ANO3: variants seen among roughly 807,000 people sequenced by gnomAD.
The protein encoded by ANO3 is anoctamin 3.
ANO3 carries 99 observed loss-of-function variants against 144.8 expected under a neutral mutation model. That is an observed-to-expected ratio of 0.68 (90% confidence interval 0.58 to 0.81). The LOEUF is 0.81. Among genes scored for constraint, ANO3 ranks in the 30% least tolerant of loss-of-function variants. The pLI is 0.00. For missense variants in ANO3, 905 were observed against 1,202.2 expected, an observed-to-expected ratio of 0.75 and a Z score of 3.66; for synonymous variants, 414 against 392.6, an observed-to-expected ratio of 1.05 and a Z score of -0.64.
intron 10 of ANO3, among the ~76,000 whole-genome samples, chr11:26,541,372 T>C: frequency 6.6e-6 from 1 of 151,994 alleles, no homozygotes. Flanking sequence ...TGCAGCAAAC[T>C]ACCATGGCAC....
At chr11:26,327,053 T>C (rs1232256625) in intron 1 of ANO3, among the ~76,000 whole-genome samples, 1 of 152,234 alleles carries the variant, frequency 6.6e-6, no homozygotes, top group Non-Finnish European at 1.5e-5. Context: ...TACAGACTTG[T>C]ACGTAAATTT....
At chr11:26,609,472 G>A (rs1443071486) in intron 17 of ANO3, among the ~76,000 whole-genome samples, 1 of 150,694 alleles carries the variant, frequency 6.6e-6, no homozygotes, top group Non-Finnish European at 1.5e-5. Flanking sequence ...CACATATCCT[G>A]CAAGATATCA....
intron 1 of ANO3, among the ~76,000 whole-genome samples, chr11:26,224,711 A>G (rs1315912495): frequency 2.0e-5 from 3 of 152,246 alleles, no homozygotes. Context: ...GTTCATTAAA[A>G]GTATCTACTA....
In ANO3 at chr11:26,302,582, A is replaced by C. The variant is rs144101857; in HGVS notation, c.155-7063A>C. 8.2e-3 allele frequency among the ~76,000 whole-genome samples: 1,246 copies of C among 152,326 alleles called. 11 individuals are homozygous for C. The highest frequency in any genetic ancestry group is 0.029 in the African/African-American group (1,186 of 41,564). ...AGTGAATAAACTAACGGCCTTAAAC[A>C]AATATTACTTTCAAACTATTTATAT... On this transcript the variant is annotated intron_variant, in intron 1 of 27. Coordinates refer to the ANO3 transcript ENST00000672621.
chr11:26,336,705 A>G lies in ANO3; in HGVS notation c.46+4384A>G, dbSNP rs12281153. Among the ~76,000 whole-genome samples, 339 of 151,906 alleles carry G rather than the reference A, an allele frequency of 2.2e-3. 1 individual carries two copies. The highest frequency in any genetic ancestry group is 6.9e-3 in the African/African-American group (284 of 41,374). Reference sequence around the variant, plus strand: ...TTTTCCCCTAACTGACATCCTTACAATCTAGAACCTCCCTATACCCTTATC... The same window carrying G: ...TTTTCCCCTAACTGACATCCTTACAGTCTAGAACCTCCCTATACCCTTATC... On this transcript the variant is annotated intron_variant, in intron 1 of 26. Transcript: ENST00000256737.
chr11:26,428,743 G>A (rs1000023124), intron 1 of ANO3, among the ~76,000 whole-genome samples: 17 of 151,854 alleles, frequency 1.1e-4, no homozygotes, highest in African/African-American at 3.6e-4. Context: ...GTGTGTGTGT[G>A]TGTGTGTGTG....
At chr11:26,647,518 A>G (rs1461527332) in intron 23 of ANO3, among the ~76,000 whole-genome samples, 191 bp from the exon 24 acceptor site, 1 of 152,192 alleles carries the variant, frequency 6.6e-6, no homozygotes, top group African/African-American at 2.4e-5. Flanking sequence ...TAGACGAGAT[A>G]TATCTTCTCT....
intron 1 of ANO3, among the ~76,000 whole-genome samples, chr11:26,314,782 A>T (rs1345540928): frequency 6.6e-6 from 1 of 152,176 alleles, no homozygotes; most frequent in African/African-American, 2.4e-5. Flanking sequence ...TCAGATTAGT[A>T]ATGACTTAAT....
chr11:26,303,585 C>T (rs960056598), intron 1 of ANO3, among the ~76,000 whole-genome samples: 8 of 152,148 alleles, frequency 5.3e-5, no homozygotes, highest in Non-Finnish European at 1.2e-4. Flanking sequence ...GAAAAACTGC[C>T]TATTGAGTAC....
In ANO3 at chr11:26,400,089, A is replaced by G. The variant is rs1027851969; in HGVS notation, c.47-41829A>G. Among the ~76,000 whole-genome samples the G allele has an allele frequency of 3.3e-5, 5 of 151,592 alleles. No homozygotes were observed. In the South Asian group the frequency reaches 8.3e-4, roughly 25 times the overall value. On this transcript the variant is annotated intron_variant, in intron 1 of 26. Transcript: ENST00000256737. ...CTAGGTACCCAAGTGTAATAATTGT[A>G]CAAAGCAAAGTTTTTTTTGTTTTTG...
At chr11:26,261,305 C>T (rs1853183386) in intron 1 of ANO3, among the ~76,000 whole-genome samples, 1 of 152,106 alleles carries the variant, frequency 6.6e-6, no homozygotes, top group African/African-American at 2.4e-5. Flanking sequence ...GCCTTGCTTT[C>T]TTCCTTTTTT....
At chr11:26,327,997 A>G (rs1423144698), upstream of ANO3, among the ~76,000 whole-genome samples, 2 of 152,156 alleles carry the variant, frequency 1.3e-5, no homozygotes, top group African/African-American at 2.4e-5. Flanking sequence ...TCTTACACAA[A>G]TCATTTTGTG....
intron 1 of ANO3, among the ~76,000 whole-genome samples, chr11:26,418,709 C>A (rs565540440): frequency 6.6e-6 from 1 of 151,590 alleles, no homozygotes; most frequent in African/African-American, 2.4e-5. Flanking sequence ...AACAAGCGCG[C>A]GCGCGCACAC....
intron 1 of ANO3, among the ~76,000 whole-genome samples, chr11:26,230,796 CCAAAAAAAAAAAAA>C (rs1852375896): frequency 1.3e-5 from 1 of 79,486 alleles, no homozygotes; most frequent in East Asian, 4.7e-4. Flanking sequence ...GACTCCATCT[CCAAAAAAAAAAAAA>C]AAAAAAAAAA....
chr11:26,505,291 C>T (rs928633933), intron 4 of ANO3, among the ~76,000 whole-genome samples: 1 of 151,976 alleles, frequency 6.6e-6, no homozygotes, highest in African/African-American at 2.4e-5. Flanking sequence ...TTGCAATCAA[C>T]CGGAATAAAG....
rs375871720 is a variant in ANO3 at position 26,201,262 on chromosome 11, T to C, written c.154+11932T>C. 1.8e-4 allele frequency among the ~76,000 whole-genome samples: 28 copies of C among 152,280 alleles called. 1 individual carries two copies. In the South Asian group the frequency reaches 5.6e-3, roughly 30 times the overall value. ...AAAAGGAAAATACGTTTTCTGATTTTCATACACCCCATATTATGGGTTTCG... is the reference window on the plus strand; with the variant it reads ...AAAAGGAAAATACGTTTTCTGATTTCCATACACCCCATATTATGGGTTTCG... On this transcript the variant is annotated intron_variant, in intron 1 of 27. Transcript: ENST00000672621.
At chr11:26,658,848 T>A (rs1853782023) in intron 26 of ANO3, among the ~76,000 whole-genome samples, 1 of 152,144 alleles carries the variant, frequency 6.6e-6, no homozygotes, top group Admixed American at 6.6e-5. Context: ...GGGACACATA[T>A]AATAAGCCCA....
chr11:26,613,690 G>A (rs1590632335), intron 17 of ANO3, among the ~76,000 whole-genome samples: 2 of 152,188 alleles, frequency 1.3e-5, no homozygotes, highest in Non-Finnish European at 1.5e-5. Context: ...TTTGGCTTTG[G>A]TTCTGAGTGG....
chr11:26,463,586 A>C (rs7124264), intron 4 of ANO3, among the ~76,000 whole-genome samples: 2 of 151,826 alleles, frequency 1.3e-5, no homozygotes, highest in African/African-American at 4.8e-5. Flanking sequence ...TCTGCTTGAC[A>C]AGATTATTGG....
Sources: gnomAD v4.1 joint callset for allele counts (sites outside exome capture counted in the v4.1 genomes callset) on GRCh38, gnomAD v4.1.1 for gene constraint, MANE v1.5 for transcripts, NCBI Gene and HGNC (gene_info 2026-07-23, HGNC 2026-07-21) for gene names.